MAPKAP1: variants seen among roughly 807,000 people sequenced by gnomAD.
MAPKAP1 encodes the protein MAPK associated protein 1.
In MAPKAP1, 20 loss-of-function variants were observed where a neutral mutation model predicts 65.7. The observed-to-expected ratio is 0.30, with a 90% CI of 0.21 to 0.44. MAPKAP1 has a LOEUF of 0.44. Ranked by LOEUF, MAPKAP1 falls within the 20% of genes least tolerant of loss-of-function variation. The pLI is 1.00. For synonymous variants in MAPKAP1, 222 were observed against 244.3 expected (o/e 0.91, Z 0.85); for missense variants, 423 against 648.0 (o/e 0.65, Z 3.77).
chr9:125,597,467 A>G (rs1014789356), intron 4 of MAPKAP1, among the ~76,000 whole-genome samples: 9 of 152,082 alleles, frequency 5.9e-5, no homozygotes, highest in Non-Finnish European at 8.8e-5. Flanking sequence ...AGAAATATCC[A>G]TATCAAGTGA....
At chr9:125,455,199 T>C (rs1853119377) in intron 10 of MAPKAP1, among the ~76,000 whole-genome samples, 1 of 152,236 alleles carries the variant, frequency 6.6e-6, no homozygotes, top group African/African-American at 2.4e-5. Context: ...GTTAACTCAT[T>C]GATAAAATGG....
At chr9:125,619,319 C>T (rs1303046439) in intron 4 of MAPKAP1, among the ~76,000 whole-genome samples, 2 of 151,820 alleles carry the variant, frequency 1.3e-5, no homozygotes, top group African/African-American at 2.4e-5. Flanking sequence ...GCAATAACAT[C>T]GGAAAAGAGA....
chr9:125,444,642 C>T, intron 10 of MAPKAP1, 44 bp from the exon 11 acceptor site: 8 of 1,417,292 alleles, frequency 5.6e-6, no homozygotes, highest in Non-Finnish European at 7.9e-6. Flanking sequence ...GGTGAGTTAA[C>T]TATGGCGGGG....
chr9:125,663,001 G>A (rs930625478), intron 3 of MAPKAP1, among the ~76,000 whole-genome samples: 1 of 152,156 alleles, frequency 6.6e-6, no homozygotes, highest in African/African-American at 2.4e-5. Context: ...TGGCAGATGA[G>A]TGAAGGGAGT....
Position 125,477,528 on chromosome 9 carries a change from T to C in MAPKAP1, c.1207+6915A>G, listed in dbSNP as rs181097702. ...GGCCAGGGACTGGGTGACTCTGATATATGTTCAGGGTCAGACCCACTGCCC... is the reference window on the plus strand; with the variant it reads ...GGCCAGGGACTGGGTGACTCTGATACATGTTCAGGGTCAGACCCACTGCCC... On this transcript the variant is annotated intron_variant, in intron 9 of 11. Coordinates refer to ENST00000265960, the MANE Select transcript of MAPKAP1 (RefSeq NM_001006617.3). Among the ~76,000 whole-genome samples the C allele has an allele frequency of 1.6e-4, 24 of 152,324 alleles. No homozygotes were observed. The East Asian group carries it at 4.2e-3, about 27-fold the overall frequency.
intron 4 of MAPKAP1, among the ~76,000 whole-genome samples, chr9:125,601,543 T>TA (rs754727091): frequency 6.6e-6 from 1 of 152,176 alleles, no homozygotes; most frequent in Non-Finnish European, 1.5e-5. Context: ...TAGAAAGTCA[T>TA]AAAAATCTCT....
chr9:125,597,263 TCAA>T (rs1264124941), intron 4 of MAPKAP1, among the ~76,000 whole-genome samples: 5 of 43,120 alleles, frequency 1.2e-4, no homozygotes, highest in Admixed American at 4.7e-4. Context: ...AGACTCCGTC[TCAA>T]AAAAAAAAAA....
intron 11 of MAPKAP1, among the ~76,000 whole-genome samples, chr9:125,441,319 C>T (rs533606842): frequency 3.9e-5 from 6 of 152,132 alleles, no homozygotes; most frequent in Admixed American, 1.3e-4. Context: ...GGGAAGAGGG[C>T]GGCTCTGGAG....
At chr9:125,552,313 T>C (rs573354828) in intron 6 of MAPKAP1, among the ~76,000 whole-genome samples, 150 of 152,360 alleles carry the variant, frequency 9.8e-4, no homozygotes, top group African/African-American at 3.5e-3. Flanking sequence ...CCAGGGGTTC[T>C]AGAGGGAAAG....
intron 1 of MAPKAP1, among the ~76,000 whole-genome samples, chr9:125,683,039 T>A (rs1473017339): frequency 6.6e-6 from 1 of 150,882 alleles, no homozygotes; most frequent in Non-Finnish European, 1.5e-5. Context: ...GCTCACAACC[T>A]CCGCCTCCCA....
In MAPKAP1 at chr9:125,685,534, G is replaced by A. The variant is rs146153351; in HGVS notation, c.-69-12891C>T. On this transcript the variant is annotated intron_variant, in intron 1 of 11. Coordinates refer to ENST00000265960, the MANE Select transcript of MAPKAP1 (RefSeq NM_001006617.3). ...TTAGCTTTTACTCCAAGTGAAATGA[G>A]GGGTCACTGGAGGATTGTGAATGAT... Among the ~76,000 whole-genome samples the A allele has an allele frequency of 2.0e-5, 3 of 152,354 alleles. No individual in the cohort carries two copies. The East Asian group carries it at 5.8e-4, about 29-fold the overall frequency.
chr9:125,494,877 G>A (rs1289773853), intron 8 of MAPKAP1, among the ~76,000 whole-genome samples: 1 of 152,152 alleles, frequency 6.6e-6, no homozygotes, highest in African/African-American at 2.4e-5. Flanking sequence ...ACAATTGTGT[G>A]CTCTATAACG....
At chr9:125,553,639 T>C (rs913659342) in intron 6 of MAPKAP1, among the ~76,000 whole-genome samples, 1 of 152,102 alleles carries the variant, frequency 6.6e-6, no homozygotes, top group Non-Finnish European at 1.5e-5. Context: ...CCATGCCCAT[T>C]TGTCTATGTA....
At position 125,506,318 on chromosome 9, in the gene MAPKAP1, C is replaced by T; in HGVS notation, c.1058G>A (p.Arg353His). 2.5e-6 allele frequency: 4 copies of T among 1,613,892 alleles called. No homozygotes were observed. The highest frequency in any genetic ancestry group is 1.6e-4 in the Middle Eastern group (1 of 6,062). ...CGAGGCGGCCAACGTACTGTTCTCGCGGACCAGGCAGAACTCCCATGCGCT... is the reference window on the plus strand; with the variant it reads ...CGAGGCGGCCAACGTACTGTTCTCGTGGACCAGGCAGAACTCCCATGCGCT... ...SQSAWEFCLVRENSSRADGVF... is the reference protein window; with the variant it reads ...SQSAWEFCLVHENSSRADGVF... The change falls in exon 8 of 12, where the codon CGC becomes CAC. Residue 353 changes from arginine (R) to histidine (H), a missense_variant. Coordinates refer to ENST00000265960, the MANE Select transcript of MAPKAP1 (RefSeq NM_001006617.3).
At chr9:125,589,980 A>C (rs1367760743) in intron 4 of MAPKAP1, among the ~76,000 whole-genome samples, 2 of 152,222 alleles carry the variant, frequency 1.3e-5, no homozygotes, top group African/African-American at 4.8e-5. Context: ...TCGGGCAGGC[A>C]AAGGGTTACA....
At chr9:125,685,881 T>C (rs1834959498) in intron 1 of MAPKAP1, among the ~76,000 whole-genome samples, 1 of 152,148 alleles carries the variant, frequency 6.6e-6, no homozygotes, top group African/African-American at 2.4e-5. Context: ...ATGCTGCTGG[T>C]TTAATAGATA....
chr9:125,498,508 A>G (rs570276360), intron 8 of MAPKAP1, among the ~76,000 whole-genome samples: 1 of 152,354 alleles, frequency 6.6e-6, no homozygotes, highest in Non-Finnish European at 1.5e-5. Flanking sequence ...TTACAATAGT[A>G]GGCCCAAATA....
chr9:125,662,616 G>C (rs1350765096), intron 3 of MAPKAP1, among the ~76,000 whole-genome samples: 1 of 152,132 alleles, frequency 6.6e-6, no homozygotes, highest in Non-Finnish European at 1.5e-5. Flanking sequence ...CCAGGAGGCG[G>C]AGCTTGCAGT....
chr9:125,606,446 A>C (rs1314237142), intron 4 of MAPKAP1, among the ~76,000 whole-genome samples: 1 of 152,198 alleles, frequency 6.6e-6, no homozygotes, highest in Non-Finnish European at 1.5e-5. Flanking sequence ...TGACTCTGAC[A>C]GGTATTGTGC....
Sources: allele counts gnomAD v4.1 joint callset (sites outside exome capture counted in the v4.1 genomes callset), GRCh38; gene constraint gnomAD v4.1.1; transcripts MANE v1.5; gene names NCBI Gene and HGNC (gene_info 2026-07-23, HGNC 2026-07-21).